Variants in RBPJ observed in about 807,000 individuals in gnomAD.
RBPJ encodes the protein recombining binding protein suppressor of hairless.
A neutral mutation model predicts 67.8 loss-of-function variants in RBPJ; 9 were observed. The observed-to-expected ratio is 0.13, with a 90% confidence interval of 0.08 to 0.23. The LOEUF (loss-of-function observed/expected upper bound fraction) is 0.23. Ranked by LOEUF, RBPJ falls within the 10% of genes least tolerant of loss-of-function variation. The pLI, the probability that RBPJ is intolerant of heterozygous loss-of-function variation, is 1.00. For missense variants in RBPJ, 305 were observed against 595.6 expected, an observed-to-expected ratio of 0.51 and a Z score of 5.08; for synonymous variants, 198 against 203.3, an observed-to-expected ratio of 0.97 and a Z score of 0.22.
At chr4:26,406,340 A>G in intron 3 of RBPJ, 70 bp downstream of exon 3, 1 of 954,998 alleles carries the variant, frequency 1.0e-6, no homozygotes, top group Non-Finnish European at 1.7e-6. Flanking sequence ...GTATTAATAT[A>G]CATGTCAGAG....
At chr4:26,356,828 G>C (rs1359700351) in intron 1 of RBPJ, among the ~76,000 whole-genome samples, 3 of 152,348 alleles carry the variant, frequency 2.0e-5, no homozygotes, top group South Asian at 4.1e-4. Context: ...GAAATTGCTA[G>C]TTGCAAAGAT....
chr4:26,341,955 G>A (rs1044087296), intron 1 of RBPJ, among the ~76,000 whole-genome samples: 3 of 152,200 alleles, frequency 2.0e-5, no homozygotes, highest in African/African-American at 7.2e-5. Context: ...TAGCCAAGAA[G>A]GGATGGGACA....
chr4:26,202,088 C>T (rs1244667509), intron 1 of RBPJ, among the ~76,000 whole-genome samples: 1 of 152,096 alleles, frequency 6.6e-6, no homozygotes, highest in Non-Finnish European at 1.5e-5. Context: ...TTGCTGATTC[C>T]TCCTTGTCTT....
intron 1 of RBPJ, among the ~76,000 whole-genome samples, chr4:26,261,785 T>C (rs559159515): frequency 6.6e-6 from 1 of 152,352 alleles, no homozygotes; most frequent in Admixed American, 6.5e-5. Context: ...TCAGAAATTA[T>C]GTGCAGTTTG....
chr4:26,249,657 T>TCA (rs1006130418), intron 1 of RBPJ, among the ~76,000 whole-genome samples: 12 of 151,910 alleles, frequency 7.9e-5, no homozygotes, highest in Admixed American at 2.0e-4. Flanking sequence ...TGCGACTCTG[T>TCA]CACACACACA....
At chr4:26,183,349 A>G (rs1005789391) in intron 1 of RBPJ, among the ~76,000 whole-genome samples, 1 of 152,238 alleles carries the variant, frequency 6.6e-6, no homozygotes, top group Admixed American at 6.5e-5. Flanking sequence ...GATGCGGCAC[A>G]TGACCGTACT....
intron 1 of RBPJ, among the ~76,000 whole-genome samples, chr4:26,313,722 G>T (rs1722513335): frequency 6.6e-6 from 1 of 151,792 alleles, no homozygotes; most frequent in Non-Finnish European, 1.5e-5. Flanking sequence ...TGTAATCCCA[G>T]CTACTCGGGA....
At chr4:26,411,851 T>C (rs1039939686) in intron 3 of RBPJ, among the ~76,000 whole-genome samples, 4 of 151,874 alleles carry the variant, frequency 2.6e-5, no homozygotes, top group Non-Finnish European at 5.9e-5. Context: ...CTCACGCCTG[T>C]AATCCCAGCA....
chr4:26,276,317 A>G (rs1357192238), intron 1 of RBPJ, among the ~76,000 whole-genome samples: 1 of 152,026 alleles, frequency 6.6e-6, no homozygotes, highest in Non-Finnish European at 1.5e-5. Flanking sequence ...TAAATACATA[A>G]AGCTGTTGTA....
intron 2 of RBPJ, among the ~76,000 whole-genome samples, chr4:26,390,473 A>G (rs1433618777): frequency 6.6e-6 from 1 of 152,250 alleles, no homozygotes; most frequent in African/African-American, 2.4e-5. Context: ...TGCAGATATC[A>G]TGATCATATG....
rs114396748 is a variant in RBPJ at position 26,386,388 on chromosome 4, C to A, written c.56C>A (p.Thr19Asn). Residue 19 changes from threonine (T) to asparagine (N), a missense_variant, in exon 2 of 11, where the codon ACT becomes AAT. By Grantham distance (65) the Thr-to-Asn change is moderately conservative. This residue lies in a region of RBPJ where 42 missense variants were observed against 43.6 expected (regional missense o/e 0.96). Transcript: ENST00000355476. ...GAGCGGCCTCCACCTAAACGACTTA[C>A]TAGGTGAGTATTATATTAGTCAGCT... ...FGERPPPKRL[T>N]REAMRNYLKE... 1 of 1,592,160 alleles carries A rather than the reference C, an allele frequency of 6.3e-7. No homozygotes were observed. The highest frequency in any genetic ancestry group is 8.6e-7 in the Non-Finnish European group (1 of 1,167,750).
At chr4:26,391,884 C>G (rs1180515805) in intron 2 of RBPJ, among the ~76,000 whole-genome samples, 1 of 152,150 alleles carries the variant, frequency 6.6e-6, no homozygotes, top group Non-Finnish European at 1.5e-5. Flanking sequence ...AAATTTATGT[C>G]TCATAATTCT....
intron 2 of RBPJ, among the ~76,000 whole-genome samples, chr4:26,399,761 C>T (rs1054546428): frequency 3.3e-5 from 5 of 152,072 alleles, no homozygotes; most frequent in African/African-American, 9.7e-5. Flanking sequence ...TCTTGGCTCA[C>T]TGCAACCTCC....
At chr4:26,337,456 C>T (rs1318377488) in intron 1 of RBPJ, among the ~76,000 whole-genome samples, 1 of 151,896 alleles carries the variant, frequency 6.6e-6, no homozygotes, top group Non-Finnish European at 1.5e-5. Flanking sequence ...TAAACAGTAT[C>T]TCTTCTGTAG....
intron 1 of RBPJ, among the ~76,000 whole-genome samples, chr4:26,169,918 C>T (rs536761892): frequency 3.3e-5 from 5 of 152,296 alleles, no homozygotes; most frequent in Admixed American, 1.3e-4. Context: ...ATTTCCTAAG[C>T]CCGTCAGAAA....
At chr4:26,314,920 G>A (rs1399022141), upstream of RBPJ, among the ~76,000 whole-genome samples, 3 of 151,742 alleles carry the variant, frequency 2.0e-5, no homozygotes, top group Non-Finnish European at 4.4e-5. Context: ...GCTGAGGTGG[G>A]CAGACCATGA....
chr4:26,433,005 G>A lies in RBPJ; in HGVS notation c.*1998G>A, dbSNP rs1048821235. The A allele has an allele frequency of 2.0e-5, 3 of 152,140 alleles. No homozygotes were observed. Among genetic ancestry groups the A allele is most frequent in the Admixed American group, 2.0e-4 (3 of 15,274 alleles). The allele number at this position is 152,140 out of a possible 1,614,324, so 9.4% of individuals were successfully genotyped here. A position where few individuals can be genotyped will look rare whatever the true frequency, so the allele number is the denominator to read the frequency against. On this transcript the variant is annotated 3_prime_UTR_variant, in exon 11 of 11. Transcript: ENST00000355476. The stretch of plus-strand genomic sequence containing the variant: ...TTTCAAGGGGAAGGTCATTTGTAAA[G>A]CACGTTAGGTGGTTAAATCAGTTAT...
At chr4:26,342,922 A>G (rs1460220272) in intron 1 of RBPJ, among the ~76,000 whole-genome samples, 2 of 152,198 alleles carry the variant, frequency 1.3e-5, no homozygotes, top group African/African-American at 4.8e-5. Flanking sequence ...TTGGTATTCT[A>G]CATGTCATCC....
At chr4:26,109,458 CTCTATATATATA>C in the RBPJ span, among the ~76,000 whole-genome samples, 32 of 14,396 alleles carry the variant, frequency 2.2e-3, 5 homozygotes, top group Admixed American at 3.6e-3. Context: ...CTCTCTCTCT[CTCTATATATATA>C]TATATATATA....
Sources: gnomAD v4.1 joint callset for allele counts (sites outside exome capture counted in the v4.1 genomes callset) on GRCh38, gnomAD v4.1.1 for gene constraint, gnomAD v4.1.1 regional missense constraint, MANE v1.5 for transcripts, NCBI Gene and HGNC (gene_info 2026-07-23, HGNC 2026-07-21) for gene names.